The following CLEC16A variants were observed in gnomAD, a reference collection of about 807,000 sequenced individuals.
The protein encoded by CLEC16A is protein CLEC16A.
A neutral mutation model predicts 109.5 loss-of-function variants in CLEC16A; 51 were observed. That is an observed-to-expected ratio of 0.47 (90% CI 0.37 to 0.59). The LOEUF is 0.59. CLEC16A is among the 20% of genes least tolerant of loss of function. CLEC16A has a pLI of 0.00. For synonymous variants in CLEC16A, 673 were observed against 564.2 expected (o/e 1.19, Z -2.73); for missense variants, 1,339 against 1,394.0 (o/e 0.96, Z 0.63).
chr16:11,019,138 C>T (rs1479660395), intron 11 of CLEC16A, among the ~76,000 whole-genome samples: 1 of 152,124 alleles, frequency 6.6e-6, no homozygotes, highest in Admixed American at 6.5e-5. Flanking sequence ...TCTCTTTTAA[C>T]CCCCTGTATG....
At chr16:11,164,426 G>A (rs2054831704) in intron 22 of CLEC16A, among the ~76,000 whole-genome samples, 2 of 152,210 alleles carry the variant, frequency 1.3e-5, no homozygotes, top group East Asian at 1.9e-4. Context: ...GCCCGGAGAA[G>A]AGTCCTGCTA....
chr16:10,985,469 A>T (rs576688580), intron 10 of CLEC16A, among the ~76,000 whole-genome samples: 6 of 151,796 alleles, frequency 4.0e-5, no homozygotes, highest in African/African-American at 1.2e-4. Flanking sequence ...TTTACCGTGA[A>T]ACCTGCCCAC....
intron 11 of CLEC16A, among the ~76,000 whole-genome samples, chr16:11,007,124 C>G (rs79567921): frequency 7.9e-4 from 120 of 152,062 alleles, no homozygotes; most frequent in Non-Finnish European, 9.8e-4. Flanking sequence ...CTTCAAACTC[C>G]TCATGTAAAA....
At chr16:11,132,766 G>A (rs897699941) in intron 22 of CLEC16A, among the ~76,000 whole-genome samples, 3 of 152,192 alleles carry the variant, frequency 2.0e-5, no homozygotes, top group African/African-American at 7.2e-5. Flanking sequence ...GGGGAACCTC[G>A]TTTGTCTTGT....
chr16:11,162,868 G>C lies in CLEC16A; in HGVS notation c.2642-3520G>C, dbSNP rs374629248. ...TGTGCATCCACCCACAGTGTCGTCTGCAGCATGGGATGCTGCAGGTGTGGA... is the reference window on the plus strand; with the variant it reads ...TGTGCATCCACCCACAGTGTCGTCTCCAGCATGGGATGCTGCAGGTGTGGA... On this transcript the variant is annotated intron_variant, in intron 22 of 23. Transcript: ENST00000409790. 3.9e-5 allele frequency among the ~76,000 whole-genome samples: 6 copies of C among 152,194 alleles called. No individual in the cohort carries two copies. In the East Asian group the frequency reaches 5.8e-4, roughly 15 times the overall value.
chr16:11,160,287 C>G (rs867746675), intron 22 of CLEC16A, among the ~76,000 whole-genome samples: 36 of 152,244 alleles, frequency 2.4e-4, no homozygotes, highest in Middle Eastern at 3.4e-3. Context: ...AGTTTTTGTG[C>G]CTACACACAT....
In CLEC16A at chr16:11,069,494, G is replaced by A. The variant is rs184028390; in HGVS notation, c.2116+8472G>A. Among the ~76,000 whole-genome samples, 445 of 151,930 alleles carry A rather than the reference G, an allele frequency of 2.9e-3. 1 individual carries two copies. The highest frequency in any genetic ancestry group is 5.0e-3 in the Non-Finnish European group (337 of 67,988). On this transcript the variant is annotated intron_variant, in intron 19 of 23. Transcript: ENST00000409790. ...CTGTCGTCCAAGCTGGAATACAATGGTGCAATCATAGCTCATTGCCGCCTC... is the reference window on the plus strand; with the variant it reads ...CTGTCGTCCAAGCTGGAATACAATGATGCAATCATAGCTCATTGCCGCCTC...
At position 11,123,760 on chromosome 16, in the gene CLEC16A, G is replaced by C. The variant is rs570130008; in HGVS notation, c.2287G>C (p.Val763Leu). The C allele has an allele frequency of 1.2e-6, 2 of 1,614,044 alleles. No individual in the cohort carries two copies. The highest frequency in any genetic ancestry group is 2.2e-5 in the South Asian group (2 of 91,088). ...TGTGCAGGACATGCAGGTGACTGGC[G>C]TGGAGGACGACAGCCGTGCCCTGAA... ...GLLQDMQVTG[V>L]EDDSRALNIT... Residue 763 changes from valine (V) to leucine (L), a missense_variant, in exon 21 of 24, where the codon GTG becomes CTG. Val to Leu is a conservative substitution (Grantham distance 32). Coordinates refer to ENST00000409790, the MANE Select transcript of CLEC16A (RefSeq NM_015226.3).
At chr16:11,039,218 A>G (rs928315159) in intron 13 of CLEC16A, among the ~76,000 whole-genome samples, 16 of 152,142 alleles carry the variant, frequency 1.1e-4, no homozygotes, top group Non-Finnish European at 2.2e-4. Flanking sequence ...CTCCAACACT[A>G]TTAAGTACCT....
intron 10 of CLEC16A, among the ~76,000 whole-genome samples, chr16:10,994,709 A>G (rs1006407804): frequency 6.6e-6 from 1 of 152,334 alleles, no homozygotes; most frequent in South Asian, 2.1e-4. Context: ...GTCTCAAAAA[A>G]AAAAGTGAAA....
At chr16:11,104,724 G>A (rs2051117548) in intron 19 of CLEC16A, among the ~76,000 whole-genome samples, 1 of 152,144 alleles carries the variant, frequency 6.6e-6, no homozygotes, top group South Asian at 2.1e-4. Context: ...ACAAAGTAGG[G>A]GTGTCCTCAT....
chr16:10,969,246 A>ATCGT lies in CLEC16A; in HGVS notation c.432_435dup (p.Leu146ValfsTer19). ...ATGAGGAGATTATGGCCTATTATAT[A>ATCGT]TCGTTCCTGAAAACACTTTCGTTAA... On this transcript the variant is annotated frameshift_variant, in exon 4 of 24. Transcript: ENST00000409790. LOFTEE classifies it high-confidence loss of function. The ATCGT allele has an allele frequency of 1.9e-6, 3 of 1,611,074 alleles. No individual in the cohort carries two copies. The highest frequency in any genetic ancestry group is 2.5e-6 in the Non-Finnish European group (3 of 1,178,006).
rs1273943595 is a variant in CLEC16A, at chr16:11,140,290, G to A, written c.2641+14144G>A. On this transcript the variant is annotated intron_variant, in intron 22 of 23. Coordinates refer to ENST00000409790, the MANE Select transcript of CLEC16A (RefSeq NM_015226.3). ...TCACGGATGTCCTGTTGAACCTCACGGATGGCTGGGTGGCAGGAAGAGTCA... is the reference window on the plus strand; with the variant it reads ...TCACGGATGTCCTGTTGAACCTCACAGATGGCTGGGTGGCAGGAAGAGTCA... Among the ~76,000 whole-genome samples the A allele has an allele frequency of 3.9e-5, 6 of 152,150 alleles. 1 individual carries two copies. Among genetic ancestry groups the A allele is most frequent in the South Asian group, 4.2e-4 (2 of 4,808 alleles).
At chr16:10,963,695 G>T (rs1357689851) in intron 3 of CLEC16A, among the ~76,000 whole-genome samples, 3 of 152,216 alleles carry the variant, frequency 2.0e-5, no homozygotes, top group Non-Finnish European at 4.4e-5. Context: ...CTGAGAGGCA[G>T]GTGCCATCAG....
rs547177754 is a variant in CLEC16A, at chr16:11,149,026, A to T, written c.2642-17362A>T. Among the ~76,000 whole-genome samples the T allele has an allele frequency of 3.9e-5, 6 of 152,364 alleles. No individual in the cohort carries two copies. The South Asian group carries it at 1.2e-3, about 32-fold the overall frequency. Reference sequence around the variant, plus strand: ...CAAGTTCAATATGATAAACTCCCAAAAAGCAATCAAAGGCCAAAGAGGGCA... The same window carrying T: ...CAAGTTCAATATGATAAACTCCCAATAAGCAATCAAAGGCCAAAGAGGGCA... On this transcript the variant is annotated intron_variant, in intron 22 of 23. Transcript: ENST00000409790.
At chr16:10,999,415 G>A (rs542192802) in intron 10 of CLEC16A, among the ~76,000 whole-genome samples, 2 of 152,052 alleles carry the variant, frequency 1.3e-5, no homozygotes, top group South Asian at 2.1e-4. Flanking sequence ...ACACCATCAC[G>A]TATAGCCTTT....
At chr16:11,163,629 C>G (rs1320682799) in intron 22 of CLEC16A, among the ~76,000 whole-genome samples, 1 of 152,208 alleles carries the variant, frequency 6.6e-6, no homozygotes, top group Non-Finnish European at 1.5e-5. Context: ...ACATGTCCCA[C>G]TGCAGATGTC....
At chr16:11,007,312 C>A (rs1238462947) in intron 11 of CLEC16A, among the ~76,000 whole-genome samples, 7 of 152,070 alleles carry the variant, frequency 4.6e-5, no homozygotes. Flanking sequence ...CCCATCTTGC[C>A]TTTTTCTTTT....
intron 18 of CLEC16A, among the ~76,000 whole-genome samples, chr16:11,056,011 A>G (rs1348628348): frequency 6.6e-6 from 1 of 152,196 alleles, no homozygotes; most frequent in African/African-American, 2.4e-5. Flanking sequence ...AATATAAAAT[A>G]AGACCAAAAC....
Sources: allele counts gnomAD v4.1 joint callset (sites outside exome capture counted in the v4.1 genomes callset), GRCh38; gene constraint gnomAD v4.1.1; transcripts MANE v1.5; gene names NCBI Gene and HGNC (gene_info 2026-07-23, HGNC 2026-07-21).